Variants in OARD1 observed in about 807,000 individuals in gnomAD.
OARD1 encodes O-acyl-ADP-ribose deacylase 1.
A neutral mutation model predicts 19.7 loss-of-function variants in OARD1; 19 were observed. The observed-to-expected ratio is 0.96, with a 90% CI of 0.67 to 1.41. The LOEUF is 1.41. Ranked by LOEUF, OARD1 falls within the 40% of genes most tolerant of loss-of-function variation. The probability of loss-of-function intolerance (pLI) is 0.00; values close to 1 mark genes in which losing one functional copy is unlikely to be tolerated. For missense variants in OARD1, 190 were observed against 183.8 expected, an observed-to-expected ratio of 1.03 and a Z score of -0.20; for synonymous variants, 70 against 61.8, an observed-to-expected ratio of 1.13 and a Z score of -0.62.
chr6:41,086,209 G>C (rs921592192), intron 1 of OARD1, among the ~76,000 whole-genome samples: 3 of 151,710 alleles, frequency 2.0e-5, no homozygotes, highest in Admixed American at 6.6e-5. Context: ...AGTGGTCCAA[G>C]CTTTCATTAC....
intron 5 of OARD1, 105 bp downstream of exon 5, chr6:41,068,736 T>C (rs1177901950): frequency 7.4e-6 from 5 of 677,524 alleles, no homozygotes; most frequent in Non-Finnish European, 1.2e-5. Flanking sequence ...TTGTCCACCT[T>C]TAAATCTATA....
intron 1 of OARD1, chr6:41,097,590 T>G (rs1213070806): frequency 1.7e-5 from 10 of 605,076 alleles, no homozygotes; most frequent in Non-Finnish European, 2.6e-5. Context: ...AAATTGAAGT[T>G]GCAAGCCTTT....
At chr6:41,083,309 T>G (rs1582026529) in intron 1 of OARD1, among the ~76,000 whole-genome samples, 1 of 152,336 alleles carries the variant, frequency 6.6e-6, no homozygotes, top group Middle Eastern at 3.4e-3. Context: ...AATTTCAATA[T>G]TTGTTGTTGC....
At chr6:41,094,622 C>T (rs981476319) in intron 1 of OARD1, 6 of 656,966 alleles carry the variant, frequency 9.1e-6, no homozygotes, top group African/African-American at 1.8e-5. Context: ...AAACTGGATG[C>T]AATCTTATGT....
rs1763166362 is a variant in OARD1 at position 41,068,869 on chromosome 6, T to C, written c.328A>G (p.Asn110Asp). The C allele has an allele frequency of 6.2e-7, 1 of 1,604,782 alleles. No individual in the cohort carries two copies. The highest frequency in any genetic ancestry group is 1.3e-5 in the African/African-American group (1 of 74,756). Residue 110 changes from asparagine to aspartate, a missense_variant, in exon 5 of 6, where the codon AAT becomes GAT. By Grantham distance (23) the Asn-to-Asp change is conservative (BLOSUM62 1). Transcript: ENST00000424266. ...GGCATGGAGAGGTCAGTGACTCCAT[T>C]CTTCAGACAATGAGACTTCATTGCC... ...LEAMKSHCLKNGVTDLSMPRI... is the reference protein window; with the variant it reads ...LEAMKSHCLKDGVTDLSMPRI...
rs1763405242 is a variant in OARD1, at chr6:41,071,666, G to A, written c.-32C>T. On this transcript the variant is annotated 5_prime_UTR_variant, in exon 2 of 6. Transcript: ENST00000424266. ...GAGTCGCTATTTCCAGAATTTAAGT[G>A]TTTCTTCAGCTATGAGAAGGGAAAA... is the stretch of plus-strand genomic sequence containing the variant. 1 of 1,595,390 alleles carries A rather than the reference G, an allele frequency of 6.3e-7. No individual in the cohort carries two copies. The highest frequency in any genetic ancestry group is 8.6e-7 in the Non-Finnish European group (1 of 1,162,962).
At position 41,071,218 on chromosome 6, in the gene OARD1, C is replaced by A; in HGVS notation, c.98G>T (p.Cys33Phe). Residue 33 changes from cysteine to phenylalanine, a missense_variant, in exon 3 of 6, where the codon TGT (cysteine) becomes TTT (phenylalanine). Physicochemically the swap from Cys to Phe is radical, Grantham distance 205. Transcript: ENST00000424266. The part of the protein sequence containing the change: ...ACPKTDSLAH[C>F]ISEDCRMGAG... ...GCCCATGCGACAATCCTCACTGATA[C>A]AGTGGGCTAAAGAGTCTGTTTTCGG... 6.2e-7 allele frequency: 1 copy of A among 1,614,120 alleles called. No individual in the cohort carries two copies.
upstream of OARD1, among the ~76,000 whole-genome samples, chr6:41,073,489 G>T (rs1470601532): frequency 6.6e-6 from 1 of 151,994 alleles, no homozygotes; most frequent in Non-Finnish European, 1.5e-5. Flanking sequence ...GGTCGTTCTG[G>T]CCGCAAACTT....
At chr6:41,089,831 T>C (rs1474299378) in intron 1 of OARD1, 19 of 1,409,316 alleles carry the variant, frequency 1.3e-5, no homozygotes, top group Admixed American at 2.6e-5. Context: ...TAAAAAAATA[T>C]ATTTTTGGCC....
rs1764201690 is a variant in OARD1, at chr6:41,091,770, A to C, written c.-42+5943T>G. On this transcript the variant is annotated intron_variant, in intron 1 of 4. Transcript: ENST00000480585. Reference sequence around the variant, plus strand: ...AACTTGATGCCTCCTAAAATTTATTATGTTGACCTCTTGGGATTGAGATCG... The same window carrying C: ...AACTTGATGCCTCCTAAAATTTATTCTGTTGACCTCTTGGGATTGAGATCG... 2.6e-6 allele frequency: 4 copies of C among 1,520,314 alleles called. No homozygotes were observed. The South Asian group carries it at 4.9e-5, about 19-fold the overall frequency. 94.2% of individuals were successfully genotyped at this position (1,520,314 alleles called of 1,614,324 possible).
intron 1 of OARD1, among the ~76,000 whole-genome samples, chr6:41,093,387 A>T (rs1764246732): frequency 6.6e-6 from 1 of 152,302 alleles, no homozygotes; most frequent in Non-Finnish European, 1.5e-5. Context: ...TCACTGCTTT[A>T]ATATTGCTAG....
chr6:41,091,439 A>C, intron 1 of OARD1: 1 of 1,329,954 alleles, frequency 7.5e-7, no homozygotes, highest in East Asian at 2.4e-5. Flanking sequence ...CGGTGAGTGT[A>C]TACCAGATAG....
intron 1 of OARD1, among the ~76,000 whole-genome samples, chr6:41,088,666 C>T (rs1466123175): frequency 1.3e-5 from 2 of 151,926 alleles, no homozygotes; most frequent in African/African-American, 2.4e-5. Context: ...CTCACTGCAA[C>T]CTCTGCCTCC....
At position 41,068,874 on chromosome 6, in the gene OARD1, A is replaced by T. The variant is rs1252205238; in HGVS notation, c.323T>A (p.Leu108Gln). The change falls in exon 5 of 6, where the codon CTG (leucine) becomes CAG (glutamine). Residue 108 changes from leucine (L) to glutamine (Q), a missense_variant. Leu to Gln is a moderately radical substitution (Grantham distance 113). Coordinates refer to ENST00000424266, the MANE Select transcript of OARD1 (RefSeq NM_001329686.2). ...KSLEAMKSHC[L>Q]KNGVTDLSMP... is the part of the protein sequence containing the mutation. ...GGAGAGGTCAGTGACTCCATTCTTC[A>T]GACAATGAGACTTCATTGCCTCTAA... The T allele has an allele frequency of 6.2e-7, 1 of 1,607,164 alleles. No individual in the cohort carries two copies.
chr6:41,093,097 A>G, intron 1 of OARD1: 1 of 1,611,888 alleles, frequency 6.2e-7, no homozygotes, highest in African/African-American at 1.3e-5. Context: ...TATGTATAAC[A>G]TTGGGAAGGA....
In OARD1 at chr6:41,065,827, C is replaced by A. The variant is rs1762984676; in HGVS notation, c.*1508G>T. 6.6e-6 allele frequency: 1 copy of A among 152,220 alleles called. No homozygotes were observed. 9.4% of individuals were successfully genotyped at this position (152,220 alleles called of 1,614,324 possible). ...AGTTGTTCTTTTATACTTGGGAAAG[C>A]AGCAAGTCCTGTGACAGACCCAAAG... is the stretch of plus-strand genomic sequence containing the variant. On this transcript the variant is annotated 3_prime_UTR_variant, in exon 6 of 6. Coordinates refer to ENST00000424266, the MANE Select transcript of OARD1 (RefSeq NM_001329686.2).
At chr6:41,078,399 CAGAG>C (rs1256260639) in intron 1 of OARD1, among the ~76,000 whole-genome samples, 3 of 152,194 alleles carry the variant, frequency 2.0e-5, no homozygotes, top group South Asian at 2.1e-4. Context: ...AGTGAAAAAT[CAGAG>C]AGAAAGACCT....
rs533391979 is a variant in OARD1 at position 41,094,016 on chromosome 6, C to T, written c.-42+3697G>A. 2.0e-5 allele frequency among the ~76,000 whole-genome samples: 3 copies of T among 152,296 alleles called. 1 individual carries two copies. The South Asian group carries it at 6.2e-4, about 32-fold the overall frequency. On this transcript the variant is annotated intron_variant, in intron 1 of 4. Transcript: ENST00000480585. ...ACAGCAAGGGTGTCAGAGTGAAACC[C>T]TGTTTCTAGAAAATAATAATAATAA...
At chr6:41,082,099 C>G (rs1763926402) in intron 1 of OARD1, among the ~76,000 whole-genome samples, 1 of 152,228 alleles carries the variant, frequency 6.6e-6, no homozygotes, top group African/African-American at 2.4e-5. Flanking sequence ...GAATGTAGAA[C>G]TGGCATCTCA....
Sources: gnomAD v4.1 joint callset for allele counts (sites outside exome capture counted in the v4.1 genomes callset) on GRCh38, gnomAD v4.1.1 for gene constraint, MANE v1.5 for transcripts, NCBI Gene and HGNC (gene_info 2026-07-23, HGNC 2026-07-21) for gene names.